ZNF804B: variants seen among roughly 807,000 people sequenced by gnomAD.
ZNF804B encodes zinc finger protein 804B.
In ZNF804B, 80 loss-of-function variants were observed where a neutral mutation model predicts 101.4. The ratio of observed to expected loss-of-function variants is 0.79; its 90% CI spans 0.66 to 0.95. ZNF804B has a LOEUF of 0.95. Among genes scored for constraint, ZNF804B ranks in the 40% least tolerant of loss-of-function variants. The probability of loss-of-function intolerance (pLI) is 0.00; values close to 1 mark genes in which losing one functional copy is unlikely to be tolerated. For synonymous variants in ZNF804B, 622 were observed against 558.8 expected, an observed-to-expected ratio of 1.11 and a Z score of -1.59; for missense variants, 1,673 against 1,561.9, an observed-to-expected ratio of 1.07 and a Z score of -1.20.
At chr7:89,172,439 A>G (rs1316197021) in intron 1 of ZNF804B, among the ~76,000 whole-genome samples, 3 of 152,184 alleles carry the variant, frequency 2.0e-5, no homozygotes, top group African/African-American at 7.2e-5. Flanking sequence ...TATGTCGGTC[A>G]AGTTAATCTA....
At chr7:89,214,426 TTACTG>T (rs1474100560) in intron 1 of ZNF804B, among the ~76,000 whole-genome samples, 1 of 152,166 alleles carries the variant, frequency 6.6e-6, no homozygotes, top group African/African-American at 2.4e-5. Context: ...TTTTAAAACT[TTACTG>T]ATACTGAGAA....
chr7:88,896,041 T>G (rs1407637113), intron 1 of ZNF804B, among the ~76,000 whole-genome samples: 2 of 152,118 alleles, frequency 1.3e-5, no homozygotes, highest in Admixed American at 6.5e-5. Flanking sequence ...GGGGGAGAGA[T>G]AGTAATTGTA....
chr7:89,153,637 T>A (rs1790912509), intron 1 of ZNF804B, among the ~76,000 whole-genome samples: 1 of 152,030 alleles, frequency 6.6e-6, no homozygotes, highest in Admixed American at 6.6e-5. Context: ...AGACAAGTGG[T>A]CACGATGAAA....
rs761439054 is a variant in ZNF804B, at chr7:89,333,565, A to T, written c.583A>T (p.Arg195Trp). The T allele has an allele frequency of 8.7e-6, 14 of 1,613,528 alleles. No individual in the cohort carries two copies. Among genetic ancestry groups the T allele is most frequent in the Non-Finnish European group, 1.2e-5 (14 of 1,179,662 alleles). ...AAATCGACACCAATTACAATCAGAC[A>T]GGCGTTGTTTGTTTGGAAATCAGGT... ...MPNRHQLQSD[R>W]RCLFGNQVLQ... Residue 195 changes from arginine to tryptophan, a missense_variant, in exon 4 of 4, where the codon AGG (arginine) becomes TGG (tryptophan). Coordinates refer to ENST00000333190, the MANE Select transcript of ZNF804B (RefSeq NM_181646.5).
chr7:89,206,559 C>A (rs1788717459), intron 1 of ZNF804B, among the ~76,000 whole-genome samples: 1 of 152,076 alleles, frequency 6.6e-6, no homozygotes, highest in African/African-American at 2.4e-5. Context: ...CGAGACCAGC[C>A]TGGCCAATGT....
chr7:89,201,679 C>G (rs7777286), intron 1 of ZNF804B, among the ~76,000 whole-genome samples: 50,117 of 151,858 alleles, frequency 0.33, 9,009 homozygotes, highest in African/African-American at 0.48. Flanking sequence ...AATATACTCT[C>G]TAAAGTTTGT....
intron 1 of ZNF804B, among the ~76,000 whole-genome samples, chr7:88,929,644 T>C (rs894395844): frequency 1.3e-4 from 20 of 151,974 alleles, no homozygotes; most frequent in Non-Finnish European, 1.8e-4. Context: ...CTAGTGATAG[T>C]ATTGGTTTGC....
At chr7:89,294,307 T>G (rs570971317) in intron 2 of ZNF804B, among the ~76,000 whole-genome samples, 1 of 152,342 alleles carries the variant, frequency 6.6e-6, no homozygotes, top group Admixed American at 6.5e-5. Context: ...TATTTTACCC[T>G]CACATGTAAA....
At chr7:89,279,103 C>G (rs1790037046) in intron 2 of ZNF804B, among the ~76,000 whole-genome samples, 1 of 152,080 alleles carries the variant, frequency 6.6e-6, no homozygotes, top group South Asian at 2.1e-4. Context: ...ATTTTATTCT[C>G]TTTGAAGCAA....
intron 1 of ZNF804B, among the ~76,000 whole-genome samples, chr7:88,909,723 C>T (rs1792521051): frequency 6.6e-6 from 1 of 151,520 alleles, no homozygotes; most frequent in South Asian, 2.1e-4. Flanking sequence ...ATTTGTTATG[C>T]AGCCTAGTTA....
At chr7:88,803,280 A>G (rs1480257994) in intron 1 of ZNF804B, among the ~76,000 whole-genome samples, 2 of 152,156 alleles carry the variant, frequency 1.3e-5, no homozygotes, top group African/African-American at 4.8e-5. Context: ...GAACTTGTAG[A>G]ATGATGGATC....
intron 1 of ZNF804B, among the ~76,000 whole-genome samples, chr7:89,054,026 A>G (rs1789252584): frequency 6.6e-6 from 1 of 151,956 alleles, no homozygotes. Context: ...ACATTTTCAC[A>G]ACTATAGCTA....
At chr7:89,024,039 A>G (rs1459389293) in intron 1 of ZNF804B, among the ~76,000 whole-genome samples, 1 of 152,192 alleles carries the variant, frequency 6.6e-6, no homozygotes, top group Non-Finnish European at 1.5e-5. Context: ...TTCCATGACT[A>G]TATTTCTTAA....
chr7:89,106,528 C>G (rs1456419764), intron 1 of ZNF804B, among the ~76,000 whole-genome samples: 1 of 151,946 alleles, frequency 6.6e-6, no homozygotes, highest in African/African-American at 2.4e-5. Context: ...AAAAATGGAT[C>G]CATATTGATC....
Position 89,031,414 on chromosome 7 carries a change from C to T in ZNF804B, c.109-186741C>T, listed in dbSNP as rs866442901. ...TGTACAACTGCCTTCTTCAATAAAC[C>T]CTGAGCTATTTAAGAACAGGGAACA... On this transcript the variant is annotated intron_variant, in intron 1 of 3. Transcript: ENST00000333190. Among the ~76,000 whole-genome samples the T allele has an allele frequency of 5.3e-5, 8 of 151,852 alleles. No homozygotes were observed. In the Middle Eastern group the frequency reaches 0.01, roughly 195 times the overall value.
At chr7:89,169,545 A>G (rs1192458471) in intron 1 of ZNF804B, among the ~76,000 whole-genome samples, 1 of 152,170 alleles carries the variant, frequency 6.6e-6, no homozygotes, top group African/African-American at 2.4e-5. Context: ...TAGTCGGCCT[A>G]GGAAATCCAG....
At chr7:89,145,259 A>T (rs10486899) in intron 1 of ZNF804B, among the ~76,000 whole-genome samples, 40,663 of 151,916 alleles carry the variant, frequency 0.27, 5,476 homozygotes, top group Admixed American at 0.32. Context: ...ATTAACTGAC[A>T]ACTGAAAAGC....
At chr7:88,981,174 C>T (rs1487997675) in intron 1 of ZNF804B, among the ~76,000 whole-genome samples, 1 of 152,044 alleles carries the variant, frequency 6.6e-6, no homozygotes, top group Non-Finnish European at 1.5e-5. Flanking sequence ...GCCTGCCTAC[C>T]ACTGACGTTT....
rs764413366 is a variant in ZNF804B at position 89,333,921 on chromosome 7, A to G, written c.939A>G (p.Thr313=). The change falls in exon 4 of 4, where the codon ACA becomes ACG. Residue 313 remains threonine (T), a synonymous_variant. Transcript: ENST00000333190. ...LQDKHDSIDE[T]LEDSIGIHAS... ...ACAAACACGACTCTATTGATGAGAC[A>G]CTAGAAGATTCAATTGGCATTCATG... 8.7e-6 allele frequency: 14 copies of G among 1,613,610 alleles called. No individual in the cohort carries two copies. The highest frequency in any genetic ancestry group is 1.1e-5 in the Non-Finnish European group (13 of 1,179,742).
Sources: allele counts gnomAD v4.1 joint callset (sites outside exome capture counted in the v4.1 genomes callset), GRCh38; gene constraint gnomAD v4.1.1; transcripts MANE v1.5; gene names NCBI Gene and HGNC (gene_info 2026-07-23, HGNC 2026-07-21).